The following SOX5 variants were observed in gnomAD, a reference collection of about 807,000 sequenced individuals.
SOX5 encodes the protein SRY-box transcription factor 5, also known as transcription factor SOX-5.
SOX5 carries 9 observed loss-of-function variants against 92.0 expected under a neutral mutation model. The observed-to-expected ratio is 0.10, with a 90% CI of 0.06 to 0.17. The LOEUF (loss-of-function observed/expected upper bound fraction) is 0.17. Ranked by LOEUF, SOX5 falls within the 10% of genes least tolerant of loss-of-function variation. The probability of loss-of-function intolerance (pLI) is 1.00; values close to 1 mark genes in which losing one functional copy is unlikely to be tolerated. For synonymous variants in SOX5, 344 were observed against 336.3 expected (o/e 1.02, Z -0.25); for missense variants, 642 against 944.5 (o/e 0.68, Z 4.20).
intron 3 of SOX5, among the ~76,000 whole-genome samples, chr12:23,820,364 T>C (rs2096083392): frequency 6.6e-6 from 1 of 152,196 alleles, no homozygotes; most frequent in South Asian, 2.1e-4. Flanking sequence ...TTTCTCCCAT[T>C]CTGTAGGTTG....
intron 4 of SOX5, among the ~76,000 whole-genome samples, chr12:24,127,225 T>C (rs1358097211): frequency 6.6e-6 from 1 of 151,306 alleles, no homozygotes; most frequent in Non-Finnish European, 1.5e-5. Flanking sequence ...ACCCTGTCTC[T>C]ACAAAAAATA....
intron 3 of SOX5, among the ~76,000 whole-genome samples, chr12:24,268,097 T>G (rs1594975428): frequency 6.6e-6 from 1 of 152,316 alleles, no homozygotes; most frequent in South Asian, 2.1e-4. Context: ...TGGCATTATG[T>G]TACTTAAGTT....
At chr12:24,373,903 C>T (rs1280315569) in intron 1 of SOX5, among the ~76,000 whole-genome samples, 2 of 152,182 alleles carry the variant, frequency 1.3e-5, no homozygotes, top group African/African-American at 2.4e-5. Flanking sequence ...CCCTCTAGAA[C>T]AGAGGGGCCA....
At chr12:24,301,418 T>C (rs1252168795) in intron 2 of SOX5, among the ~76,000 whole-genome samples, 1 of 152,220 alleles carries the variant, frequency 6.6e-6, no homozygotes, top group Non-Finnish European at 1.5e-5. Flanking sequence ...CCTTATGATA[T>C]ACTACATATA....
intron 4 of SOX5, among the ~76,000 whole-genome samples, chr12:24,180,450 A>G (rs1955361964): frequency 6.6e-6 from 1 of 152,190 alleles, no homozygotes; most frequent in South Asian, 2.1e-4. Context: ...AACTCCTAAA[A>G]TAACTACTGC....
At chr12:24,371,341 T>A (rs7956372) in intron 1 of SOX5, among the ~76,000 whole-genome samples, 2 of 151,574 alleles carry the variant, frequency 1.3e-5, no homozygotes, top group East Asian at 1.9e-4. Context: ...GACAGATTTT[T>A]CCCCCCCAGG....
chr12:24,247,362 T>C (rs1174291719), intron 3 of SOX5, among the ~76,000 whole-genome samples: 1 of 152,118 alleles, frequency 6.6e-6, no homozygotes, highest in Non-Finnish European at 1.5e-5. Context: ...GAGGGAAGGT[T>C]TCCTTGAAGA....
chr12:24,176,735 G>T (rs1468346478), intron 4 of SOX5, among the ~76,000 whole-genome samples: 1 of 152,172 alleles, frequency 6.6e-6, no homozygotes, highest in Non-Finnish European at 1.5e-5. Context: ...TGCACTAGGG[G>T]CAAAGATGTG....
chr12:23,960,942 T>C (rs1946863269), intron 4 of SOX5, among the ~76,000 whole-genome samples: 1 of 152,084 alleles, frequency 6.6e-6, no homozygotes, highest in Non-Finnish European at 1.5e-5. Flanking sequence ...ACTTTTTATA[T>C]ATTTTGTATT....
chr12:23,773,768 G>T (rs952267366), intron 3 of SOX5, among the ~76,000 whole-genome samples: 1 of 151,854 alleles, frequency 6.6e-6, no homozygotes, highest in African/African-American at 2.4e-5. Flanking sequence ...GAGATACAAA[G>T]ACACCAGTCA....
chr12:24,250,710 A>G (rs1216034509), intron 3 of SOX5, among the ~76,000 whole-genome samples: 3 of 152,238 alleles, frequency 2.0e-5, no homozygotes, highest in South Asian at 2.1e-4. Context: ...TGTCAACTCA[A>G]TCAAAGGTAC....
chr12:24,264,242 C>T (rs370761394), intron 3 of SOX5, among the ~76,000 whole-genome samples: 1 of 152,076 alleles, frequency 6.6e-6, no homozygotes, highest in African/African-American at 2.4e-5. Context: ...TTGGTATTTG[C>T]TATTTAAGGA....
intron 2 of SOX5, among the ~76,000 whole-genome samples, chr12:24,348,054 A>T (rs1953550265): frequency 6.8e-6 from 1 of 146,134 alleles, no homozygotes; most frequent in Non-Finnish European, 1.5e-5. Flanking sequence ...CTAATCAAAA[A>T]AAAAAAAAAA....
At chr12:23,995,149 C>T (rs1453935895) in intron 4 of SOX5, among the ~76,000 whole-genome samples, 1 of 152,082 alleles carries the variant, frequency 6.6e-6, no homozygotes, top group Non-Finnish European at 1.5e-5. Context: ...TTGTGAGAGT[C>T]TTTTCTTGGC....
intron 3 of SOX5, among the ~76,000 whole-genome samples, chr12:24,263,933 A>G (rs984882704): frequency 1.3e-5 from 2 of 152,224 alleles, no homozygotes; most frequent in African/African-American, 4.8e-5. Context: ...TCCAAGAGTT[A>G]TTAGGTTGGA....
intron 2 of SOX5, among the ~76,000 whole-genome samples, chr12:24,350,274 TCTTA>T (rs1953907386): frequency 6.6e-6 from 1 of 152,204 alleles, no homozygotes; most frequent in Non-Finnish European, 1.5e-5. Flanking sequence ...GCTCCCTCTT[TCTTA>T]CTTGCTCCAG....
intron 8 of SOX5, among the ~76,000 whole-genome samples, chr12:23,620,063 A>C (rs1301866964): frequency 2.0e-5 from 3 of 152,162 alleles, no homozygotes; most frequent in Non-Finnish European, 2.9e-5. Flanking sequence ...TGCAAGCGAG[A>C]GCTACACTAC....
intron 1 of SOX5, among the ~76,000 whole-genome samples, chr12:24,530,669 T>G (rs1225486063): frequency 6.6e-6 from 1 of 151,576 alleles, no homozygotes; most frequent in African/African-American, 2.4e-5. Context: ...ACACCCTAGT[T>G]TTCATTGCCT....
chr12:24,095,870 T>C (rs1945345582), intron 4 of SOX5, among the ~76,000 whole-genome samples: 1 of 152,168 alleles, frequency 6.6e-6, no homozygotes. Context: ...TCCTCTTCAC[T>C]TTCTGCCATG....
Sources: gnomAD v4.1 joint callset for allele counts (sites outside exome capture counted in the v4.1 genomes callset) on GRCh38, gnomAD v4.1.1 for gene constraint, MANE v1.5 for transcripts, NCBI Gene and HGNC (gene_info 2026-07-23, HGNC 2026-07-21) for gene names.